Variants in DPP6 observed in about 807,000 individuals in gnomAD.
DPP6 encodes the protein dipeptidyl peptidase like 6.
A neutral mutation model predicts 122.6 loss-of-function variants in DPP6; 69 were observed. That is an observed-to-expected ratio of 0.56 (90% confidence interval 0.46 to 0.69). The LOEUF is 0.69. DPP6 is among the 30% of genes least tolerant of loss of function. The pLI, the probability that DPP6 is intolerant of heterozygous loss-of-function variation, is 0.00. For synonymous variants in DPP6, 418 were observed against 433.1 expected (o/e 0.97, Z 0.43); for missense variants, 928 against 1,116.9 (o/e 0.83, Z 2.41).
intron 21 of DPP6, among the ~76,000 whole-genome samples, chr7:154,882,538 T>C: frequency 6.6e-6 from 1 of 152,212 alleles, no homozygotes; most frequent in East Asian, 1.9e-4. Flanking sequence ...CCCAGTGATC[T>C]GGCTGCAGCC....
At chr7:153,977,572 T>C (rs897994480) in intron 1 of DPP6, among the ~76,000 whole-genome samples, 1 of 152,230 alleles carries the variant, frequency 6.6e-6, no homozygotes, top group African/African-American at 2.4e-5. Context: ...ACTTTTTTTA[T>C]TATACTTTAA....
chr7:154,874,118 G>C (rs80327878), intron 19 of DPP6, among the ~76,000 whole-genome samples: 2 of 150,500 alleles, frequency 1.3e-5, no homozygotes, highest in East Asian at 2.0e-4. Context: ...CACACCCACA[G>C]ACCCACACAC....
rs1156833907 is a variant in DPP6 at position 154,063,320 on chromosome 7, TC to T, written c.243+10260del. ...CCATGAGGCGGGGACTGAGAGCCAG[TC>T]CCTCTTCTCCCTCTGGCTCTTAGGA... On this transcript the variant is annotated intron_variant, in intron 1 of 25. Coordinates refer to ENST00000377770, the MANE Select transcript of DPP6 (RefSeq NM_130797.4). Among the ~76,000 whole-genome samples, 17 of 116,708 alleles carry T rather than the reference TC, an allele frequency of 1.5e-4. 4 individuals are homozygous for T. Among genetic ancestry groups the T allele is most frequent in the African/African-American group, 5.5e-4 (17 of 30,822 alleles). The allele number at this position is 116,708 out of a possible 152,430, so 76.6% of individuals were successfully genotyped here.
the DPP6 span, among the ~76,000 whole-genome samples, chr7:153,855,371 G>A: frequency 1.1e-3 from 168 of 152,084 alleles, no homozygotes; most frequent in African/African-American, 3.8e-3. Flanking sequence ...ACAAGGGAGC[G>A]GGGATTCTTT....
intron 11 of DPP6, among the ~76,000 whole-genome samples, chr7:154,795,150 C>T (rs3807267): frequency 6.6e-6 from 1 of 151,926 alleles, no homozygotes; most frequent in East Asian, 2.0e-4. Context: ...CTTGTAATCT[C>T]CAACTTCTCC....
At chr7:153,769,788 A>G in the DPP6 span, among the ~76,000 whole-genome samples, 2 of 152,204 alleles carry the variant, frequency 1.3e-5, no homozygotes, top group Non-Finnish European at 2.9e-5. Flanking sequence ...AAGTAATCCA[A>G]ATCTAAGAAG....
At chr7:154,704,009 G>A (rs1312238581) in intron 7 of DPP6, among the ~76,000 whole-genome samples, 2 of 152,118 alleles carry the variant, frequency 1.3e-5, no homozygotes, top group African/African-American at 4.8e-5. Context: ...TGATGGATCT[G>A]GGCAAAGTAC....
chr7:153,833,113 T>G, the DPP6 span, among the ~76,000 whole-genome samples: 7 of 152,184 alleles, frequency 4.6e-5, no homozygotes, highest in Non-Finnish European at 5.9e-5. Flanking sequence ...GGCCTGGCAG[T>G]TTTCATGGCA....
At chr7:154,501,349 A>G (rs1190322852) in intron 3 of DPP6, among the ~76,000 whole-genome samples, 2 of 152,166 alleles carry the variant, frequency 1.3e-5, no homozygotes, top group Non-Finnish European at 2.9e-5. Flanking sequence ...GATCCTGGGG[A>G]AAAATGTCTC....
At chr7:154,050,862 A>G (rs1444448543), upstream of DPP6, among the ~76,000 whole-genome samples, 24 of 145,044 alleles carry the variant, frequency 1.7e-4, 1 homozygote, top group Non-Finnish European at 7.6e-5. Context: ...TAAACAGAAG[A>G]TGAGCGTGGT....
intron 1 of DPP6, among the ~76,000 whole-genome samples, chr7:154,238,432 G>A (rs550145583): frequency 6.6e-6 from 1 of 152,170 alleles, no homozygotes; most frequent in Non-Finnish European, 1.5e-5. Flanking sequence ...AGGACAATAT[G>A]AGGTGATAAT....
At chr7:154,072,194 A>C (rs1803166854) in intron 1 of DPP6, among the ~76,000 whole-genome samples, 1 of 152,256 alleles carries the variant, frequency 6.6e-6, no homozygotes, top group African/African-American at 2.4e-5. Context: ...GCAAGATGGA[A>C]GAGCTTATAT....
At chr7:154,808,776 T>C (rs1798853595) in intron 16 of DPP6, among the ~76,000 whole-genome samples, 1 of 152,108 alleles carries the variant, frequency 6.6e-6, no homozygotes, top group Non-Finnish European at 1.5e-5. Context: ...CAGAGAGTCT[T>C]TTGAGGAGCT....
At chr7:154,608,118 T>C (rs1263205103) in intron 5 of DPP6, among the ~76,000 whole-genome samples, 1 of 148,788 alleles carries the variant, frequency 6.7e-6, no homozygotes, top group Non-Finnish European at 1.5e-5. Context: ...TAGCTGGGAT[T>C]ACAGGCATGT....
At chr7:154,845,464 G>A (rs1584876441) in intron 16 of DPP6, among the ~76,000 whole-genome samples, 1 of 152,202 alleles carries the variant, frequency 6.6e-6, no homozygotes, top group South Asian at 2.1e-4. Context: ...AGTGGACGAA[G>A]GATGAGAGAG....
intron 1 of DPP6, among the ~76,000 whole-genome samples, chr7:153,960,729 G>GTGTT (rs1795313717): frequency 6.7e-6 from 1 of 149,896 alleles, no homozygotes; most frequent in East Asian, 2.0e-4. Flanking sequence ...GTGTGTGTGT[G>GTGTT]TGCATATTTG....
At chr7:154,347,936 T>A (rs1175350431) in intron 1 of DPP6, among the ~76,000 whole-genome samples, 1 of 152,236 alleles carries the variant, frequency 6.6e-6, no homozygotes, top group East Asian at 1.9e-4. Flanking sequence ...TTGAGGCAAG[T>A]GGACTTTGAT....
intron 1 of DPP6, among the ~76,000 whole-genome samples, chr7:154,296,047 C>G (rs1490194639): frequency 2.0e-5 from 3 of 151,326 alleles, no homozygotes. Flanking sequence ...CAGGTTCACG[C>G]CATTCTCCTG....
intron 18 of DPP6, among the ~76,000 whole-genome samples, chr7:154,870,539 G>A (rs1804297769): frequency 6.6e-6 from 1 of 152,202 alleles, no homozygotes; most frequent in Admixed American, 6.5e-5. Flanking sequence ...CTAGAAGGCA[G>A]AGGTTGCAGT....
Sources: gnomAD v4.1 joint callset for allele counts (sites outside exome capture counted in the v4.1 genomes callset) on GRCh38, gnomAD v4.1.1 for gene constraint, MANE v1.5 for transcripts, NCBI Gene and HGNC (gene_info 2026-07-23, HGNC 2026-07-21) for gene names.